PRDM2: variants seen among roughly 807,000 people sequenced by gnomAD.
PRDM2 encodes the protein PR/SET domain 2, also known as PR domain zinc finger protein 2.
In PRDM2, 30 loss-of-function variants were observed where a neutral mutation model predicts 130.0. The ratio of observed to expected loss-of-function variants is 0.23; its 90% CI spans 0.17 to 0.31. PRDM2 has a LOEUF of 0.31. PRDM2 is among the 10% of genes least tolerant of loss of function. PRDM2 has a pLI of 1.00. For synonymous variants in PRDM2, 871 were observed against 782.4 expected (o/e 1.11, Z -1.89); for missense variants, 2,011 against 2,108.4 (o/e 0.95, Z 0.90).
intron 8 of PRDM2, among the ~76,000 whole-genome samples, chr1:13,804,554 T>G: frequency 6.6e-6 from 1 of 151,016 alleles, no homozygotes; most frequent in African/African-American, 2.4e-5. Flanking sequence ...TGACTTGGAG[T>G]GGGTGGGAGC....
chr1:13,744,833 A>T (rs984214938), intron 5 of PRDM2, among the ~76,000 whole-genome samples: 4 of 152,146 alleles, frequency 2.6e-5, no homozygotes, highest in Non-Finnish European at 5.9e-5. Context: ...ATTTTTTACT[A>T]GTGATTATCT....
At position 13,782,604 on chromosome 1, in the gene PRDM2, T is replaced by C. The variant is rs1260495943; in HGVS notation, c.4809T>C (p.Leu1603=). ...KAVAKNHSAQ[L]SSKTSRSLHV... Reference sequence around the variant, plus strand: ...TGGCCAAGAATCATTCTGCTCAGCTTTCCAGCAAAACATCACGGAGCCTGC... The same window carrying C: ...TGGCCAAGAATCATTCTGCTCAGCTCTCCAGCAAAACATCACGGAGCCTGC... The change falls in exon 8 of 10, where the codon CTT becomes CTC. Residue 1603 remains leucine (L), a synonymous_variant. Coordinates refer to ENST00000311066, the MANE Select transcript of PRDM2 (RefSeq NM_001393986.1). 1.9e-6 allele frequency: 3 copies of C among 1,614,050 alleles called. No individual in the cohort carries two copies. The highest frequency in any genetic ancestry group is 2.5e-6 in the Non-Finnish European group (3 of 1,180,034).
intron 6 of PRDM2, among the ~76,000 whole-genome samples, chr1:13,762,658 A>G (rs537767768): frequency 6.6e-6 from 1 of 152,262 alleles, no homozygotes; most frequent in African/African-American, 2.4e-5. Flanking sequence ...GCTCAAGGAC[A>G]ATGTGGGATA....
At chr1:13,808,067 A>C (rs1443722951) in intron 8 of PRDM2, among the ~76,000 whole-genome samples, 1 of 152,174 alleles carries the variant, frequency 6.6e-6, no homozygotes, top group Non-Finnish European at 1.5e-5. Context: ...CAGAGGCCAG[A>C]CACTTCTGGG....
chr1:13,743,399 CAAAAAAAAAAAAAA>C lies in PRDM2; in HGVS notation c.384+1256_384+1269del, dbSNP rs70984282. ...TGGGTAACAGAGCAAGACTCTGTCT[CAAAAAAAAAAAAAA>C]AAAAAAAAAAAAAGACAGATCCTCA... On this transcript the variant is annotated intron_variant, in intron 5 of 9. Transcript: ENST00000311066. 4.1e-4 allele frequency among the ~76,000 whole-genome samples: 17 copies of C among 41,800 alleles called. No homozygotes were observed. The East Asian group carries it at 0.012, about 31-fold the overall frequency. 27.4% of individuals were successfully genotyped at this position (41,800 alleles called of 152,430 possible).
At chr1:13,751,801 A>G (rs1643850759) in intron 6 of PRDM2, among the ~76,000 whole-genome samples, 1 of 152,212 alleles carries the variant, frequency 6.6e-6, no homozygotes, top group Non-Finnish European at 1.5e-5. Context: ...CCTTTGCGTG[A>G]CAGCTGCTAT....
chr1:13,816,026 A>G (rs887337405), intron 8 of PRDM2, among the ~76,000 whole-genome samples: 1 of 152,136 alleles, frequency 6.6e-6, no homozygotes, highest in Non-Finnish European at 1.5e-5. Context: ...AGGGGAGAGC[A>G]GGGAGGCAGG....
chr1:13,777,310 G>C (rs529543065), intron 7 of PRDM2, among the ~76,000 whole-genome samples: 2 of 151,954 alleles, frequency 1.3e-5, no homozygotes, highest in Non-Finnish European at 2.9e-5. Flanking sequence ...CTTTCCATCT[G>C]CCTCCACCCT....
intron 9 of PRDM2, among the ~76,000 whole-genome samples, chr1:13,819,054 G>A (rs1224050882): frequency 1.3e-5 from 2 of 152,206 alleles, no homozygotes; most frequent in Non-Finnish European, 2.9e-5. Flanking sequence ...CCGACTCTGG[G>A]AACCATTTGT....
At chr1:13,813,854 A>G (rs1416571571) in intron 8 of PRDM2, among the ~76,000 whole-genome samples, 1 of 152,212 alleles carries the variant, frequency 6.6e-6, no homozygotes, top group African/African-American at 2.4e-5. Flanking sequence ...CCCAGGCGGA[A>G]GAGATGCTAA....
chr1:13,716,544 C>G (rs1557596208), intron 2 of PRDM2, among the ~76,000 whole-genome samples: 1 of 150,680 alleles, frequency 6.6e-6, no homozygotes, highest in African/African-American at 2.4e-5. Flanking sequence ...CTTGAAAAAC[C>G]TGTTCTCAGA....
chr1:13,766,161 ACC>A lies in PRDM2; in HGVS notation c.512-6915_512-6914del, dbSNP rs1336127931. On this transcript the variant is annotated intron_variant, in intron 6 of 9. Transcript: ENST00000311066. ...CTTGAGCATAGTGAGTTCAACATCT[ACC>A]CTGTTCCCTAGGGTCTGTGCCCTCA... 2.0e-5 allele frequency among the ~76,000 whole-genome samples: 3 copies of A among 152,204 alleles called. No individual in the cohort carries two copies. In the East Asian group the frequency reaches 5.8e-4, roughly 29 times the overall value.
At chr1:13,714,910 A>G (rs1246733716) in intron 1 of PRDM2, among the ~76,000 whole-genome samples, 2 of 152,222 alleles carry the variant, frequency 1.3e-5, no homozygotes, top group Non-Finnish European at 2.9e-5. Context: ...AGAAACAAGT[A>G]TGTCATACGC....
chr1:13,793,197 G>A (rs1644868651), intron 8 of PRDM2, among the ~76,000 whole-genome samples: 2 of 152,256 alleles, frequency 1.3e-5, no homozygotes, highest in South Asian at 4.1e-4. Context: ...TGCCCACAGA[G>A]TGACCAGCTT....
At chr1:13,706,535 G>A (rs866907223) in intron 1 of PRDM2, among the ~76,000 whole-genome samples, 1 of 152,046 alleles carries the variant, frequency 6.6e-6, no homozygotes, top group African/African-American at 2.4e-5. Context: ...CTCCTCACAC[G>A]GTATCTGAGA....
intron 8 of PRDM2, among the ~76,000 whole-genome samples, chr1:13,800,677 A>G (rs2100730302): frequency 6.6e-6 from 1 of 152,312 alleles, no homozygotes; most frequent in African/African-American, 2.4e-5. Flanking sequence ...TTCTCCATCA[A>G]AAAGGTTGAT....
chr1:13,717,159 A>G (rs547149117), intron 2 of PRDM2, among the ~76,000 whole-genome samples: 76 of 152,324 alleles, frequency 5.0e-4, no homozygotes, highest in African/African-American at 1.6e-3. Flanking sequence ...CATGCTTTCT[A>G]TTATTTTAAA....
intron 8 of PRDM2, chr1:13,786,658 C>G (rs961921643): frequency 1.3e-6 from 2 of 1,543,280 alleles, no homozygotes; most frequent in Admixed American, 1.9e-5. Context: ...CTCAAAAATC[C>G]TAACATTCAG....
intron 9 of PRDM2, among the ~76,000 whole-genome samples, chr1:13,821,593 C>T (rs1645352890): frequency 6.6e-6 from 1 of 151,904 alleles, no homozygotes; most frequent in Admixed American, 6.6e-5. Context: ...TCCTGAGTAG[C>T]TGGGATTACA....
Sources: gnomAD v4.1 joint callset for allele counts (sites outside exome capture counted in the v4.1 genomes callset) on GRCh38, gnomAD v4.1.1 for gene constraint, MANE v1.5 for transcripts, NCBI Gene and HGNC (gene_info 2026-07-23, HGNC 2026-07-21) for gene names.